The following SLC8A1 variants were observed in gnomAD, a reference collection of about 807,000 sequenced individuals.
The protein encoded by SLC8A1 is sodium/calcium exchanger 1.
In SLC8A1, 18 loss-of-function variants were observed where a neutral mutation model predicts 68.3. That is an observed-to-expected ratio of 0.26 (90% CI 0.18 to 0.39). SLC8A1 has a LOEUF of 0.39. Ranked by LOEUF, SLC8A1 falls within the 10% of genes least tolerant of loss-of-function variation. The pLI is 1.00. For missense variants in SLC8A1, 985 were observed against 1,156.7 expected, an observed-to-expected ratio of 0.85 and a Z score of 2.15; for synonymous variants, 475 against 415.5, an observed-to-expected ratio of 1.14 and a Z score of -1.74.
At chr2:40,310,175 G>T (rs2073418473) in intron 2 of SLC8A1, among the ~76,000 whole-genome samples, 1 of 152,208 alleles carries the variant, frequency 6.6e-6, no homozygotes, top group Non-Finnish European at 1.5e-5. Flanking sequence ...AGGTAATGAG[G>T]TGTTGAAGCT....
At chr2:40,375,909 G>C (rs1416029020) in intron 2 of SLC8A1, among the ~76,000 whole-genome samples, 2 of 152,056 alleles carry the variant, frequency 1.3e-5, no homozygotes, top group Non-Finnish European at 2.9e-5. Context: ...GCTGACATGG[G>C]AGAGTCGCTT....
chr2:40,278,507 G>T (rs1251245133), intron 2 of SLC8A1, among the ~76,000 whole-genome samples: 2 of 149,112 alleles, frequency 1.3e-5, no homozygotes, highest in African/African-American at 2.5e-5. Flanking sequence ...AAAACAAAAA[G>T]AAAGAAAAGC....
At chr2:40,191,163 C>T (rs1016367254) in intron 2 of SLC8A1, among the ~76,000 whole-genome samples, 4 of 152,160 alleles carry the variant, frequency 2.6e-5, no homozygotes, top group East Asian at 1.9e-4. Context: ...AAGTCACTAC[C>T]GACAAAATAT....
intron 4 of SLC8A1, among the ~76,000 whole-genome samples, chr2:40,173,258 A>G (rs1346350661): frequency 6.6e-6 from 1 of 152,188 alleles, no homozygotes; most frequent in Non-Finnish European, 1.5e-5. Flanking sequence ...AAGCAGTTAA[A>G]ATGATGGAAT....
At chr2:40,200,136 ATG>A (rs1464325727) in intron 2 of SLC8A1, among the ~76,000 whole-genome samples, 4 of 116,080 alleles carry the variant, frequency 3.4e-5, no homozygotes, top group Non-Finnish European at 6.9e-5. Context: ...CTACATATCT[ATG>A]TGTCTCTGCA....
At chr2:40,125,583 C>T (rs2037906668) in intron 7 of SLC8A1, among the ~76,000 whole-genome samples, 1 of 152,096 alleles carries the variant, frequency 6.6e-6, no homozygotes, top group African/African-American at 2.4e-5. Flanking sequence ...TATTTACTAA[C>T]AGTATGTTTT....
intron 1 of SLC8A1, among the ~76,000 whole-genome samples, 165 bp downstream of exon 1, chr2:40,451,739 A>ACT (rs1702544734): frequency 2.6e-5 from 1 of 38,064 alleles, no homozygotes. Flanking sequence ...ACACCACATC[A>ACT]CACACACACA....
chr2:40,268,855 G>A (rs2065680986), intron 2 of SLC8A1, among the ~76,000 whole-genome samples: 1 of 152,066 alleles, frequency 6.6e-6, no homozygotes. Context: ...ATCCCCAAAG[G>A]ACAAAGTGTG....
intron 2 of SLC8A1, among the ~76,000 whole-genome samples, chr2:40,309,935 T>C (rs1188098069): frequency 6.6e-6 from 1 of 152,186 alleles, no homozygotes; most frequent in African/African-American, 2.4e-5. Context: ...GAACATTGTA[T>C]TCAGCCCCAA....
At chr2:40,342,772 C>G (rs1458066298) in intron 2 of SLC8A1, among the ~76,000 whole-genome samples, 1 of 152,128 alleles carries the variant, frequency 6.6e-6, no homozygotes, top group African/African-American at 2.4e-5. Context: ...CACTTTATAT[C>G]TCAGATGACG....
chr2:40,288,723 T>A (rs1056005603), intron 2 of SLC8A1, among the ~76,000 whole-genome samples: 1 of 151,968 alleles, frequency 6.6e-6, no homozygotes, highest in Non-Finnish European at 1.5e-5. Context: ...TGGGGATGGA[T>A]GTTTGGAGCT....
intron 2 of SLC8A1, chr2:40,190,457 G>A (rs969547880): frequency 5.3e-5 from 8 of 152,122 alleles, no homozygotes; most frequent in Non-Finnish European, 1.2e-4. Context: ...TTATCCTAGT[G>A]TTTTTCTTCT....
intron 1 of SLC8A1, among the ~76,000 whole-genome samples, chr2:40,482,209 G>A (rs1395999057): frequency 6.6e-6 from 1 of 152,086 alleles, no homozygotes; most frequent in Admixed American, 6.5e-5. Context: ...AGATGTCTTT[G>A]GTTTAGTTGG....
chr2:40,230,095 A>G (rs765402936), intron 2 of SLC8A1, among the ~76,000 whole-genome samples: 2 of 152,270 alleles, frequency 1.3e-5, no homozygotes, highest in South Asian at 2.1e-4. Flanking sequence ...GCTGCAATCC[A>G]TCTCTAGATC....
Position 40,277,792 on chromosome 2 carries a change from GTGTATATATATA to G in SLC8A1, c.1809-99949_1809-99938del, listed in dbSNP as rs1347573584. On this transcript the variant is annotated intron_variant, in intron 2 of 7. Coordinates refer to ENST00000406785, the Ensembl canonical transcript of SLC8A1. ...CATATGTATAAATATATATATATGT[GTGTATATATATA>G]TATATATATATATATATATATATAT... is the stretch of plus-strand genomic sequence containing the variant. Among the ~76,000 whole-genome samples, 517 of 92,182 alleles carry G rather than the reference GTGTATATATATA, an allele frequency of 5.6e-3. 7 individuals carry two copies. The highest frequency in any genetic ancestry group is 0.023 in the African/African-American group (474 of 20,984). 60.5% of individuals were successfully genotyped at this position (92,182 alleles called of 152,430 possible).
At position 40,471,277 on chromosome 2, in the gene SLC8A1, C is replaced by A. The variant is rs114340955; in HGVS notation, c.-24-40973G>T. Among the ~76,000 whole-genome samples, 761 of 152,280 alleles carry A rather than the reference C, an allele frequency of 5.0e-3. 6 individuals are homozygous for A. The highest frequency in any genetic ancestry group is 0.017 in the African/African-American group (704 of 41,558). ...GGGCCGTGGACCCAGGGTTTTTTTACTGCAGTGTCCGTTCTTTACCTGCTT... is the reference window on the plus strand; with the variant it reads ...GGGCCGTGGACCCAGGGTTTTTTTAATGCAGTGTCCGTTCTTTACCTGCTT... On this transcript the variant is annotated intron_variant, in intron 1 of 7. Transcript: ENST00000402441.
chr2:40,201,066 T>C (rs374206204), intron 2 of SLC8A1, among the ~76,000 whole-genome samples: 134 of 151,476 alleles, frequency 8.8e-4, no homozygotes, highest in African/African-American at 3.1e-3. Context: ...AATGCCAAAA[T>C]ACTCAGGAAT....
intron 2 of SLC8A1, among the ~76,000 whole-genome samples, chr2:40,243,364 G>A (rs1009124273): frequency 3.9e-5 from 6 of 151,918 alleles, no homozygotes; most frequent in Non-Finnish European, 7.4e-5. Flanking sequence ...TAGTGTCTGC[G>A]GTCCCACCTA....
intron 4 of SLC8A1, among the ~76,000 whole-genome samples, chr2:40,171,957 T>A (rs572329952): frequency 5.9e-4 from 90 of 152,176 alleles, no homozygotes; most frequent in Non-Finnish European, 7.8e-4. Context: ...GAAATATTGG[T>A]ATTAGGCTGT....
Sources: allele counts gnomAD v4.1 joint callset (sites outside exome capture counted in the v4.1 genomes callset), GRCh38; gene constraint gnomAD v4.1.1; transcripts MANE v1.5; gene names NCBI Gene and HGNC (gene_info 2026-07-23, HGNC 2026-07-21).